The following ZNF618 variants were observed in gnomAD, a reference collection of about 807,000 sequenced individuals.
The protein encoded by ZNF618 is neural precursor cell expressed, developmentally down-regulated 10.
A neutral mutation model predicts 103.0 loss-of-function variants in ZNF618; 34 were observed. That is an observed-to-expected ratio of 0.33 (90% confidence interval 0.25 to 0.44). The LOEUF is 0.44. Ranked by LOEUF, ZNF618 falls within the 20% of genes least tolerant of loss-of-function variation. The pLI is 1.00. For synonymous variants in ZNF618, 551 were observed against 542.2 expected (o/e 1.02, Z -0.23); for missense variants, 1,059 against 1,295.4 (o/e 0.82, Z 2.80).
At chr9:113,963,681 G>C (rs891465751) in intron 1 of ZNF618, among the ~76,000 whole-genome samples, 1 of 152,214 alleles carries the variant, frequency 6.6e-6, no homozygotes, top group African/African-American at 2.4e-5. Context: ...TTTCATTCAA[G>C]CATGATTGCC....
At chr9:113,951,516 T>C (rs1248298868) in intron 1 of ZNF618, among the ~76,000 whole-genome samples, 1 of 83,274 alleles carries the variant, frequency 1.2e-5, no homozygotes, top group Non-Finnish European at 2.4e-5. Flanking sequence ...TATATGTGTG[T>C]ATATGTACAC....
intron 10 of ZNF618, chr9:114,028,514 G>T: frequency 1.5e-6 from 1 of 659,860 alleles, no homozygotes; most frequent in Non-Finnish European, 2.5e-6. Flanking sequence ...CAGTGGGCTG[G>T]TTGGTGGCCT....
intron 1 of ZNF618, among the ~76,000 whole-genome samples, chr9:113,958,311 C>T (rs1588151301): frequency 1.3e-5 from 2 of 152,114 alleles, no homozygotes; most frequent in African/African-American, 4.8e-5. Context: ...TCCTCCCCTG[C>T]ACATGGGGAC....
rs528893523 is a variant in ZNF618 at position 113,960,771 on chromosome 9, A to G, written c.34-8346A>G. Among the ~76,000 whole-genome samples, 399 of 152,286 alleles carry G rather than the reference A, an allele frequency of 2.6e-3. 1 individual carries two copies. The highest frequency in any genetic ancestry group is 4.5e-3 in the Non-Finnish European group (307 of 68,016). ...TCTTCACATTTCTGTTCCATGGAGC[A>G]TTGTGGCCACTCTGCAGCAAATGAA... On this transcript the variant is annotated intron_variant, in intron 1 of 14. Transcript: ENST00000374126.
chr9:113,980,011 GTGGTA>G (rs2133100238), intron 2 of ZNF618, among the ~76,000 whole-genome samples: 1 of 152,226 alleles, frequency 6.6e-6, no homozygotes, highest in East Asian at 1.9e-4. Context: ...AGTGGTGGTC[GTGGTA>G]TGGTAAGGAA....
chr9:114,023,598 A>G (rs540081413), intron 10 of ZNF618, among the ~76,000 whole-genome samples: 30 of 152,194 alleles, frequency 2.0e-4, no homozygotes, highest in African/African-American at 5.5e-4. Flanking sequence ...AATTCCATCA[A>G]TTATCATTTT....
chr9:113,934,002 T>G (rs1466190130), intron 1 of ZNF618, among the ~76,000 whole-genome samples: 1 of 151,736 alleles, frequency 6.6e-6, no homozygotes, highest in Non-Finnish European at 1.5e-5. Context: ...GGGTGTTACC[T>G]GGGAGCAGGG....
chr9:113,917,679 T>C (rs1054871247), intron 1 of ZNF618, among the ~76,000 whole-genome samples: 27 of 152,190 alleles, frequency 1.8e-4, no homozygotes, highest in Non-Finnish European at 1.5e-4. Flanking sequence ...AAACAATTTG[T>C]ATATACTTCC....
chr9:114,048,105 A>G lies in ZNF618; in HGVS notation c.1348+111A>G, dbSNP rs184650006. On this transcript the variant is annotated intron_variant, in intron 14 of 14. Coordinates refer to ENST00000374126, the MANE Select transcript of ZNF618 (RefSeq NM_001318042.2). ...TTCCTGTGATGTTGTAAGATGATGC[A>G]TGATAGTTTCCAAAGCACTTTTACA... is the stretch of plus-strand genomic sequence containing the variant. 1.4e-5 allele frequency: 13 copies of G among 959,648 alleles called. No individual in the cohort carries two copies. The African/African-American group carries it at 2.0e-4, about 15-fold the overall frequency. 59.4% of individuals were successfully genotyped at this position (959,648 alleles called of 1,614,324 possible).
At chr9:114,044,634 A>G (rs1448879196) in intron 13 of ZNF618, among the ~76,000 whole-genome samples, 1 of 152,134 alleles carries the variant, frequency 6.6e-6, no homozygotes, top group East Asian at 1.9e-4. Flanking sequence ...TGTTGGCAGT[A>G]TGGTCATTTT....
intron 1 of ZNF618, among the ~76,000 whole-genome samples, chr9:113,956,326 C>T (rs1323297562): frequency 1.3e-5 from 2 of 150,916 alleles, no homozygotes; most frequent in Non-Finnish European, 2.9e-5. Flanking sequence ...TAATCAATCA[C>T]AGCACTCTTT....
At chr9:113,886,901 A>C (rs1248847805) in intron 1 of ZNF618, among the ~76,000 whole-genome samples, 1 of 151,100 alleles carries the variant, frequency 6.6e-6, no homozygotes, top group Non-Finnish European at 1.5e-5. Flanking sequence ...GGTTGAAATG[A>C]TATTTTACAT....
chr9:113,967,055 C>T (rs577561698), intron 1 of ZNF618, among the ~76,000 whole-genome samples: 30 of 152,148 alleles, frequency 2.0e-4, no homozygotes, highest in Middle Eastern at 3.2e-3. Context: ...TTGAGCTGGT[C>T]AACTCTGTGT....
intron 12 of ZNF618, chr9:114,035,202 C>A (rs905989579): frequency 1.0e-6 from 1 of 985,912 alleles, no homozygotes; most frequent in Non-Finnish European, 1.2e-6. Context: ...AACTGCAAGT[C>A]CCCTGATTTC....
chr9:113,919,278 G>A (rs1382751249), intron 1 of ZNF618, among the ~76,000 whole-genome samples: 4 of 152,182 alleles, frequency 2.6e-5, no homozygotes, highest in Non-Finnish European at 5.9e-5. Context: ...TCTGGTGGCT[G>A]ATGGCAGAGG....
intron 14 of ZNF618, 68 bp downstream of exon 14, chr9:114,048,062 C>G: frequency 7.6e-7 from 1 of 1,312,512 alleles, no homozygotes; most frequent in Non-Finnish European, 1.1e-6. Context: ...CTCTGCCCCC[C>G]ATTCCCACCA....
At chr9:113,954,889 C>G (rs1836115905) in intron 1 of ZNF618, among the ~76,000 whole-genome samples, 1 of 152,180 alleles carries the variant, frequency 6.6e-6, no homozygotes, top group Non-Finnish European at 1.5e-5. Flanking sequence ...TTAGCTCCAG[C>G]CCTTCCCTCT....
intron 1 of ZNF618, among the ~76,000 whole-genome samples, chr9:113,906,335 T>A (rs1830987090): frequency 1.3e-5 from 2 of 152,212 alleles, no homozygotes; most frequent in African/African-American, 2.4e-5. Flanking sequence ...CCAGAGGTTA[T>A]GGCTCTGAAG....
At chr9:113,962,501 C>A (rs554480971) in intron 1 of ZNF618, among the ~76,000 whole-genome samples, 3 of 152,218 alleles carry the variant, frequency 2.0e-5, no homozygotes, top group Non-Finnish European at 4.4e-5. Flanking sequence ...CAAGGCTCTT[C>A]GGTGGCCTGC....
Sources: gnomAD v4.1 joint callset for allele counts (sites outside exome capture counted in the v4.1 genomes callset) on GRCh38, gnomAD v4.1.1 for gene constraint, MANE v1.5 for transcripts, NCBI Gene and HGNC (gene_info 2026-07-23, HGNC 2026-07-21) for gene names.